Variants in GRAMD1B observed in about 807,000 individuals in gnomAD.
GRAMD1B encodes protein Aster-B.
GRAMD1B carries 37 observed loss-of-function variants against 99.7 expected under a neutral mutation model. The observed-to-expected ratio is 0.37, with a 90% CI of 0.29 to 0.49. The LOEUF is 0.49. Ranked by LOEUF, GRAMD1B falls within the 20% of genes least tolerant of loss-of-function variation. GRAMD1B has a pLI of 0.98. For synonymous variants in GRAMD1B, 427 were observed against 387.6 expected, an observed-to-expected ratio of 1.10 and a Z score of -1.19; for missense variants, 888 against 1,009.2, an observed-to-expected ratio of 0.88 and a Z score of 1.63.
chr11:123,518,217 G>A (rs1238434885), intron 2 of GRAMD1B, among the ~76,000 whole-genome samples: 3 of 152,136 alleles, frequency 2.0e-5, no homozygotes, highest in African/African-American at 4.8e-5. Flanking sequence ...CTCGTGATCC[G>A]GGACACGGGG....
chr11:123,370,739 A>G (rs1447630374), intron 1 of GRAMD1B, among the ~76,000 whole-genome samples: 1 of 152,166 alleles, frequency 6.6e-6, no homozygotes, highest in African/African-American at 2.4e-5. Flanking sequence ...TTCAGAAAGA[A>G]TGGAAACGTT....
chr11:123,513,662 T>C (rs1339963414), intron 2 of GRAMD1B, among the ~76,000 whole-genome samples: 2 of 148,620 alleles, frequency 1.3e-5, no homozygotes, highest in African/African-American at 5.0e-5. Context: ...CCTTTCTTTC[T>C]TTCTTTCTTT....
At chr11:123,423,406 C>A (rs1200254363) in intron 1 of GRAMD1B, among the ~76,000 whole-genome samples, 1 of 152,146 alleles carries the variant, frequency 6.6e-6, no homozygotes, top group Non-Finnish European at 1.5e-5. Context: ...TAACTTTTCA[C>A]AGTCTAACTC....
In GRAMD1B at chr11:123,525,432, G is replaced by A. The variant is rs1591816469; in HGVS notation, c.452+44539G>A. ...GTCCAGGTTCCCCTCCCCCGCAGGG[G>A]TGGGGCATTTTAACCCCTGAGTGGA... On this transcript the variant is annotated intron_variant, in intron 2 of 19. Transcript: ENST00000635736. Among the ~76,000 whole-genome samples, 3 of 152,120 alleles carry A rather than the reference G, an allele frequency of 2.0e-5. No homozygotes were observed. In the South Asian group the frequency reaches 6.2e-4, roughly 31 times the overall value.
intron 1 of GRAMD1B, among the ~76,000 whole-genome samples, chr11:123,375,303 AAT>A (rs1946655664): frequency 6.6e-6 from 1 of 152,194 alleles, no homozygotes. Context: ...CACACCTGTT[AAT>A]CCCAGCTACT....
intron 2 of GRAMD1B, among the ~76,000 whole-genome samples, chr11:123,531,127 A>C (rs1373165410): frequency 6.6e-6 from 1 of 152,244 alleles, no homozygotes; most frequent in African/African-American, 2.4e-5. Flanking sequence ...ATTTACAAAC[A>C]TCGCACAGCA....
At chr11:123,479,671 T>A (rs962290778) in intron 1 of GRAMD1B, among the ~76,000 whole-genome samples, 5 of 152,170 alleles carry the variant, frequency 3.3e-5, no homozygotes, top group African/African-American at 1.2e-4. Flanking sequence ...ATGGTGAGCA[T>A]TGTGGGCTTT....
chr11:123,438,903 G>A (rs193091296), intron 1 of GRAMD1B, among the ~76,000 whole-genome samples: 11 of 152,332 alleles, frequency 7.2e-5, no homozygotes, highest in African/African-American at 2.4e-4. Flanking sequence ...TGGGCAAACT[G>A]CTGGCCCTGA....
At chr11:123,389,103 G>A (rs192308596) in intron 1 of GRAMD1B, among the ~76,000 whole-genome samples, 133 of 152,002 alleles carry the variant, frequency 8.7e-4, no homozygotes, top group African/African-American at 3.1e-3. Context: ...AAAAAATCCC[G>A]ACCGGGCACG....
In GRAMD1B at chr11:123,613,668, A is replaced by G. The variant is rs1375771742; in HGVS notation, c.2227+10A>G. ...ATCAAACATGTGGCAGGTGTGTGCC[A>G]GGTGGGGACAGGTCGGGTGGACTAA... On this transcript the variant is annotated intron_variant, in intron 16 of 19. Coordinates refer to ENST00000635736, the MANE Select transcript of GRAMD1B (RefSeq NM_001387025.1). 1.2e-6 allele frequency: 2 copies of G among 1,607,520 alleles called. No individual in the cohort carries two copies. Among genetic ancestry groups the G allele is most frequent in the Non-Finnish European group, 1.7e-6 (2 of 1,175,830 alleles).
chr11:123,596,204 G>A (rs560753666), intron 7 of GRAMD1B, among the ~76,000 whole-genome samples, 167 bp downstream of exon 7: 1 of 152,288 alleles, frequency 6.6e-6, no homozygotes, highest in African/African-American at 2.4e-5. Flanking sequence ...ACAGGCTGGG[G>A]GAGGCTGAGC....
chr11:123,467,803 T>TTTTCTTTCTTTTC, intron 1 of GRAMD1B, among the ~76,000 whole-genome samples: 1 of 144,016 alleles, frequency 6.9e-6, no homozygotes, highest in Admixed American at 6.9e-5. Flanking sequence ...CCTTCCTTCT[T>TTTTCTTTCTTTTC]TTTCTTTCTT....
chr11:123,561,540 C>T (rs541542698), intron 2 of GRAMD1B, among the ~76,000 whole-genome samples: 1 of 152,254 alleles, frequency 6.6e-6, no homozygotes, highest in Non-Finnish European at 1.5e-5. Flanking sequence ...TCCCCCACAC[C>T]TCCTTGCATT....
intron 9 of GRAMD1B, 27 bp downstream of exon 9, chr11:123,603,568 A>T: frequency 2.9e-6 from 4 of 1,394,580 alleles, no homozygotes; most frequent in Non-Finnish European, 4.1e-6. Flanking sequence ...GCGGCTGCCC[A>T]GAGGCAGCCG....
intron 1 of GRAMD1B, among the ~76,000 whole-genome samples, chr11:123,388,617 T>G (rs918915667): frequency 5.3e-5 from 8 of 152,034 alleles, no homozygotes; most frequent in African/African-American, 1.7e-4. Context: ...GAAGCTGCAG[T>G]GAGCTAAGAT....
chr11:123,418,510 A>AC lies in GRAMD1B; in HGVS notation c.-176+59711_-176+59712insC, dbSNP rs573771045. 1.4e-3 allele frequency among the ~76,000 whole-genome samples: 215 copies of AC among 152,330 alleles called. 1 individual carries two copies. Among genetic ancestry groups the AC allele is most frequent in the African/African-American group, 5.1e-3 (211 of 41,572 alleles). On this transcript the variant is annotated intron_variant, in intron 1 of 20. Coordinates refer to the GRAMD1B transcript ENST00000638157. ...ATTGCTCCCCAGGGATTCATAGTCC[A>AC]AACACCTTTACCTAAAAAACCTGAA...
rs74767198 is a variant in GRAMD1B at position 123,434,798 on chromosome 11, T to G, written c.374+3632T>G. On this transcript the variant is annotated intron_variant, in intron 1 of 19. Transcript: ENST00000635736. ...GCAAGACTCCATTTCCAAAAGAAAATAGAATTGGCATTTAGAGGCAATGGA... is the reference window on the plus strand; with the variant it reads ...GCAAGACTCCATTTCCAAAAGAAAAGAGAATTGGCATTTAGAGGCAATGGA... 6.5e-3 allele frequency among the ~76,000 whole-genome samples: 990 copies of G among 152,186 alleles called. 10 individuals are homozygous for G. The highest frequency in any genetic ancestry group is 0.023 in the African/African-American group (948 of 41,516).
intron 1 of GRAMD1B, among the ~76,000 whole-genome samples, chr11:123,390,707 T>C (rs1184675524): frequency 6.6e-6 from 1 of 152,248 alleles, no homozygotes; most frequent in African/African-American, 2.4e-5. Flanking sequence ...CCATTGCTTA[T>C]TTCCTTTGCA....
intron 2 of GRAMD1B, among the ~76,000 whole-genome samples, chr11:123,576,832 G>A (rs901811837): frequency 3.3e-5 from 5 of 152,156 alleles, no homozygotes. Context: ...TTTTAACATA[G>A]GGATTATGGT....
Sources: allele counts gnomAD v4.1 joint callset (sites outside exome capture counted in the v4.1 genomes callset), GRCh38; gene constraint gnomAD v4.1.1; transcripts MANE v1.5; gene names NCBI Gene and HGNC (gene_info 2026-07-23, HGNC 2026-07-21).